Variants in DPYSL5 observed in about 807,000 individuals in gnomAD.
DPYSL5 encodes the protein dihydropyrimidinase-related protein 5.
A neutral mutation model predicts 58.4 loss-of-function variants in DPYSL5; 9 were observed. The observed-to-expected ratio is 0.15, with a 90% confidence interval of 0.09 to 0.27. The LOEUF (loss-of-function observed/expected upper bound fraction) is 0.27. DPYSL5 is among the 10% of genes least tolerant of loss of function. The pLI is 1.00. For synonymous variants in DPYSL5, 293 were observed against 301.9 expected (o/e 0.97, Z 0.31); for missense variants, 499 against 770.6 (o/e 0.65, Z 4.17).
Position 26,944,614 on chromosome 2 carries a change from G to A in DPYSL5, c.1441-42G>A, listed in dbSNP as rs1267980896. On this transcript the variant is annotated intron_variant, in intron 11 of 12. Coordinates refer to ENST00000288699, the MANE Select transcript of DPYSL5 (RefSeq NM_020134.4). The surrounding 1 kb of genome is among the most constrained non-coding windows in gnomAD (Gnocchi z 4.4). ...CATGGTTGTATCACTCAGCTCTGAT[G>A]GTGTTGTCCTGTTCTTCTGCTCTTC... The A allele has an allele frequency of 6.3e-7, 1 of 1,599,312 alleles. No individual in the cohort carries two copies. The highest frequency in any genetic ancestry group is 1.1e-5 in the South Asian group (1 of 88,862).
At chr2:26,921,049 C>A (rs569961007) in intron 2 of DPYSL5, among the ~76,000 whole-genome samples, 7 of 152,240 alleles carry the variant, frequency 4.6e-5, no homozygotes, top group African/African-American at 1.7e-4. Flanking sequence ...AAATAGGGAC[C>A]TTTGACAGGG....
chr2:26,942,642 C>T lies in DPYSL5; in HGVS notation c.1332C>T (p.Arg444=). 1 of 1,614,140 alleles carries T rather than the reference C, an allele frequency of 6.2e-7. No individual in the cohort carries two copies. The highest frequency in any genetic ancestry group is 8.5e-7 in the Non-Finnish European group (1 of 1,180,028). The change falls in exon 11 of 13, where the codon CGC becomes CGT. Residue 444 remains arginine (R), a synonymous_variant. Coordinates refer to ENST00000288699, the MANE Select transcript of DPYSL5 (RefSeq NM_020134.4). This position sits in a 1 kb window ranked among gnomAD's most constrained non-coding sequence, Gnocchi z 5.9. ...CACTGGTCACCATCAGCCGGGGGCG[C>T]GTCGTGTATGAGAACGGCGTCTTCA... ...GVPLVTISRG[R]VVYENGVFMC...
chr2:26,941,822 C>T (rs1665328544), intron 9 of DPYSL5, 128 bp from the exon 10 acceptor site: 2 of 1,272,738 alleles, frequency 1.6e-6, no homozygotes, highest in South Asian at 2.8e-5. Context: ...TGCTCATGGC[C>T]TTGTCCCTTT....
chr2:26,931,069 G>C (rs1467985376), intron 5 of DPYSL5, among the ~76,000 whole-genome samples: 2 of 148,874 alleles, frequency 1.3e-5, no homozygotes, highest in South Asian at 2.1e-4. Context: ...AGCCCTAGAG[G>C]TGGAGGCTGC....
chr2:26,887,870 A>G (rs899109298), intron 1 of DPYSL5, among the ~76,000 whole-genome samples: 8 of 152,226 alleles, frequency 5.3e-5, no homozygotes, highest in African/African-American at 1.7e-4. Flanking sequence ...TGGTTCAGGA[A>G]CATAATGCCA....
chr2:26,936,443 G>A (rs960708850), intron 8 of DPYSL5, among the ~76,000 whole-genome samples: 2 of 152,208 alleles, frequency 1.3e-5, no homozygotes, highest in African/African-American at 2.4e-5. Flanking sequence ...TAGCCAATGC[G>A]AGTGGAGTGC....
At chr2:26,903,460 C>T (rs765299330) in intron 2 of DPYSL5, among the ~76,000 whole-genome samples, 3 of 152,168 alleles carry the variant, frequency 2.0e-5, no homozygotes, top group Admixed American at 6.5e-5. Context: ...GGAACAAAAC[C>T]ACTTGGGGAA....
intron 2 of DPYSL5, among the ~76,000 whole-genome samples, chr2:26,908,576 T>C (rs1236961839): frequency 1.3e-5 from 2 of 152,240 alleles, no homozygotes; most frequent in African/African-American, 4.8e-5. Context: ...GTATCTCTGG[T>C]ATTGGGAAAA....
At chr2:26,853,329 G>A (rs191609339) in intron 1 of DPYSL5, among the ~76,000 whole-genome samples, 8 of 152,248 alleles carry the variant, frequency 5.3e-5, no homozygotes, top group Non-Finnish European at 7.4e-5. Context: ...AGAAAACTCA[G>A]GTTTTCCAGC....
At chr2:26,862,141 C>T (rs1666031894) in intron 1 of DPYSL5, among the ~76,000 whole-genome samples, 1 of 152,154 alleles carries the variant, frequency 6.6e-6, no homozygotes, top group Admixed American at 6.5e-5. Flanking sequence ...TTGTGAGGCT[C>T]TAAGCAGAGG....
Position 26,898,766 on chromosome 2 carries a change from G to T in DPYSL5, c.261+6G>T, listed in dbSNP as rs2148137186. ...ACTTCTACCATGGGACCAAGGTAAT[G>T]CTCCTGTTTGCCAAAGGTGGCTTCC... On this transcript the variant is annotated splice_donor_region_variant and intron_variant, in intron 2 of 12. Coordinates refer to ENST00000288699, the MANE Select transcript of DPYSL5 (RefSeq NM_020134.4). The surrounding 1 kb of genome is among the most constrained non-coding windows in gnomAD (Gnocchi z 6.1). 1 of 1,596,118 alleles carries T rather than the reference G, an allele frequency of 6.3e-7. No homozygotes were observed. Among genetic ancestry groups the T allele is most frequent in the Middle Eastern group, 1.7e-4 (1 of 5,976 alleles).
intron 1 of DPYSL5, among the ~76,000 whole-genome samples, chr2:26,887,406 G>A (rs1349335695): frequency 6.6e-6 from 1 of 152,230 alleles, no homozygotes; most frequent in Non-Finnish European, 1.5e-5. Context: ...AGGCCAGACT[G>A]TGCAGGCTCT....
rs1444227503 is a variant in DPYSL5, at chr2:26,898,962, G to A, written c.261+202G>A. Among the ~76,000 whole-genome samples the A allele has an allele frequency of 6.6e-6, 1 of 152,168 alleles. No individual in the cohort carries two copies. The highest frequency in any genetic ancestry group is 1.5e-5 in the Non-Finnish European group (1 of 68,042). On this transcript the variant is annotated intron_variant, in intron 2 of 12. Transcript: ENST00000288699. The surrounding 1 kb of genome is among the most constrained non-coding windows in gnomAD (Gnocchi z 6.1). ...TTTCCATGATTATAGAAAAGGAGGC[G>A]TTTAGGCTGGTTTTGCTAATCAGAT...
intron 4 of DPYSL5, 67 bp from the exon 5 acceptor site, chr2:26,928,188 G>A: frequency 6.6e-7 from 1 of 1,522,394 alleles, no homozygotes; most frequent in Non-Finnish European, 9.1e-7. Context: ...CTGTCCCTTG[G>A]GTTCAGTATT....
At chr2:26,884,520 T>TCTCTCTCA (rs35489206) in intron 1 of DPYSL5, among the ~76,000 whole-genome samples, 1 of 145,530 alleles carries the variant, frequency 6.9e-6, no homozygotes, top group Non-Finnish European at 1.5e-5. Flanking sequence ...TTGTCCTATC[T>TCTCTCTCA]CACACACACA....
At chr2:26,874,752 C>T (rs1663367888) in intron 1 of DPYSL5, among the ~76,000 whole-genome samples, 3 of 152,206 alleles carry the variant, frequency 2.0e-5, no homozygotes, top group Admixed American at 1.3e-4. Flanking sequence ...AGAGGTGTGG[C>T]TGCTGATCTC....
In DPYSL5 at chr2:26,932,093, G is replaced by GGA. The variant is rs1394731419; in HGVS notation, c.714+409_714+410insGA. Among the ~76,000 whole-genome samples, 4 of 56,562 alleles carry GGA rather than the reference G, an allele frequency of 7.1e-5. 1 individual carries two copies. The highest frequency in any genetic ancestry group is 3.1e-4 in the Admixed American group (2 of 6,540). The allele number at this position is 56,562 out of a possible 152,430, so 37.1% of individuals were successfully genotyped here. ...AGAAAGAAAGAAAGAAAAGAAAAAAGAAAGAGAAAGAAAGAAAAGAAAAAA... is the reference window on the plus strand; with the variant it reads ...AGAAAGAAAGAAAGAAAAGAAAAAAGGAAAAGAGAAAGAAAGAAAAGAAAAAA... On this transcript the variant is annotated intron_variant, in intron 6 of 12. Coordinates refer to ENST00000288699, the MANE Select transcript of DPYSL5 (RefSeq NM_020134.4).
chr2:26,887,849 G>A (rs1036076384), intron 1 of DPYSL5, among the ~76,000 whole-genome samples: 2 of 152,080 alleles, frequency 1.3e-5, no homozygotes, highest in Admixed American at 6.5e-5. Context: ...ACCTTAACGC[G>A]AACCCATGAA....
chr2:26,924,381 A>G lies in DPYSL5; in HGVS notation c.262-506A>G, dbSNP rs751087164. Among the ~76,000 whole-genome samples the G allele has an allele frequency of 6.6e-6, 1 of 152,254 alleles. No individual in the cohort carries two copies. The highest frequency in any genetic ancestry group is 2.4e-5 in the African/African-American group (1 of 41,458). ...AAATTTGAGAGCATAAAACAAAACA[A>G]TATATCCAAATTAACATTTTCTATA... is the stretch of plus-strand genomic sequence containing the variant. On this transcript the variant is annotated intron_variant, in intron 2 of 12. Coordinates refer to ENST00000288699, the MANE Select transcript of DPYSL5 (RefSeq NM_020134.4). This position sits in a 1 kb window ranked among gnomAD's most constrained non-coding sequence, Gnocchi z 4.7.
Sources: gnomAD v4.1 joint callset for allele counts (sites outside exome capture counted in the v4.1 genomes callset) on GRCh38, gnomAD v4.1.1 for gene constraint, Gnocchi (gnomAD v3.1) non-coding constraint, MANE v1.5 for transcripts, NCBI Gene and HGNC (gene_info 2026-07-23, HGNC 2026-07-21) for gene names.